Variants in MTCL1 observed in about 807,000 individuals in gnomAD.
MTCL1 encodes the protein microtubule cross-linking factor 1.
Under a neutral mutation model 141.4 loss-of-function variants are expected in MTCL1, and 79 were observed. The observed-to-expected ratio is 0.56, with a 90% CI of 0.47 to 0.67. MTCL1 has a LOEUF of 0.67. Ranked by LOEUF, MTCL1 falls within the 30% of genes least tolerant of loss-of-function variation. The pLI is 0.00. For missense variants in MTCL1, 2,177 were observed against 2,113.9 expected, an observed-to-expected ratio of 1.03 and a Z score of -0.59; for synonymous variants, 914 against 875.8, an observed-to-expected ratio of 1.04 and a Z score of -0.77.
intron 10 of MTCL1, among the ~76,000 whole-genome samples, 165 bp from the exon 10 acceptor site, chr18:8,806,728 T>A (rs2076310092): frequency 6.6e-6 from 1 of 152,086 alleles, no homozygotes; most frequent in African/African-American, 2.4e-5. Flanking sequence ...AGGGACCCTT[T>A]CTTTGCTCCC....
intron 4 of MTCL1, among the ~76,000 whole-genome samples, chr18:8,768,778 TC>T (rs1363702461): frequency 6.7e-6 from 1 of 148,302 alleles, no homozygotes; most frequent in Non-Finnish European, 1.5e-5. Context: ...GGGAACAGAT[TC>T]TTTTCTTCTC....
At chr18:8,824,830 A>C (rs371811754) in exon 15 of MTCL1, 2 of 1,614,146 alleles carry the variant, frequency 1.2e-6, no homozygotes, top group Non-Finnish European at 1.7e-6. Flanking sequence ...GACGACCTCA[A>C]GTACATCGAG....
chr18:8,779,611 G>A lies in MTCL1; in HGVS notation c.417+1719G>A, dbSNP rs2096525999. On this transcript the variant is annotated intron_variant, in intron 5 of 16. Coordinates refer to ENST00000359865, the Ensembl canonical transcript of MTCL1. The surrounding 1 kb of genome is among the most constrained non-coding windows in gnomAD (Gnocchi z 4.1). ...GTACACAACACCCGGCAGGTGCAGCGGGCCCTGCTCCAGCTGCCTCGACCT... is the reference window on the plus strand; with the variant it reads ...GTACACAACACCCGGCAGGTGCAGCAGGCCCTGCTCCAGCTGCCTCGACCT... Among the ~76,000 whole-genome samples the A allele has an allele frequency of 1.3e-5, 2 of 152,046 alleles. No individual in the cohort carries two copies. Among genetic ancestry groups the A allele is most frequent in the South Asian group, 2.1e-4 (1 of 4,800 alleles).
At chr18:8,755,761 TG>T (rs1359607609) in intron 4 of MTCL1, among the ~76,000 whole-genome samples, 5 of 152,174 alleles carry the variant, frequency 3.3e-5, no homozygotes, top group Non-Finnish European at 7.3e-5. Flanking sequence ...CGGAGGAGGA[TG>T]TGGTTTTGGA....
chr18:8,817,641 T>TAA (rs557526186), intron 12 of MTCL1, among the ~76,000 whole-genome samples: 1 of 151,452 alleles, frequency 6.6e-6, no homozygotes, highest in African/African-American at 2.4e-5. Flanking sequence ...TAGTGATGCT[T>TAA]AAAAAAAAAT....
At chr18:8,737,129 A>G (rs1268869974) in intron 4 of MTCL1, among the ~76,000 whole-genome samples, 1 of 152,142 alleles carries the variant, frequency 6.6e-6, no homozygotes, top group African/African-American at 2.4e-5. Flanking sequence ...GTAACTCTGC[A>G]TGTTCCCTTC....
At chr18:8,790,538 G>C (rs1479488569) in intron 7 of MTCL1, among the ~76,000 whole-genome samples, 7 of 152,244 alleles carry the variant, frequency 4.6e-5, no homozygotes, top group African/African-American at 1.7e-4. Flanking sequence ...GAAGCCCCAA[G>C]GGCAGATGTG....
intron 4 of MTCL1, among the ~76,000 whole-genome samples, chr18:8,759,524 A>G (rs978470507): frequency 5.9e-5 from 9 of 152,252 alleles, no homozygotes; most frequent in Admixed American, 4.6e-4. Flanking sequence ...GCTTTTTCCC[A>G]AGGGCACTCT....
chr18:8,735,530 G>A (rs1249825649), intron 4 of MTCL1, among the ~76,000 whole-genome samples: 1 of 152,142 alleles, frequency 6.6e-6, no homozygotes, highest in Non-Finnish European at 1.5e-5. Flanking sequence ...TTTGATCCCT[G>A]CTGCTCTAGG....
intron 3 of MTCL1, 65 bp from the exon 3 acceptor site, chr18:8,720,273 C>G: frequency 1.3e-6 from 2 of 1,537,902 alleles, no homozygotes. Flanking sequence ...CTGATGTTGT[C>G]TGATAGTACC....
At chr18:8,742,298 CCT>C (rs2148913557) in intron 4 of MTCL1, among the ~76,000 whole-genome samples, 1 of 152,236 alleles carries the variant, frequency 6.6e-6, no homozygotes, top group African/African-American at 2.4e-5. Context: ...TCCCTCTCTC[CCT>C]CTCTCCCTCT....
At chr18:8,715,517 T>C (rs1567927547), upstream of MTCL1, among the ~76,000 whole-genome samples, 5 of 152,366 alleles carry the variant, frequency 3.3e-5, no homozygotes, top group South Asian at 8.3e-4. Context: ...TATACAGATA[T>C]TGACTTAGTG....
intron 4 of MTCL1, among the ~76,000 whole-genome samples, chr18:8,766,514 T>C (rs771943883): frequency 3.9e-5 from 6 of 152,228 alleles, no homozygotes; most frequent in Non-Finnish European, 7.3e-5. Context: ...CTCTGGCAAC[T>C]GATCCTGCTT....
rs553126475 is a variant in MTCL1 at position 8,779,052 on chromosome 18, G to A, written c.417+1160G>A. On this transcript the variant is annotated intron_variant, in intron 5 of 16. Coordinates refer to ENST00000359865, the Ensembl canonical transcript of MTCL1. This position sits in a 1 kb window ranked among gnomAD's most constrained non-coding sequence, Gnocchi z 4.1. The stretch of plus-strand genomic sequence containing the variant: ...GTTCAGCAGAATGGTGGAATGGAGC[G>A]CCCTGGGAACTGCAGGCCCGCAACC... Among the ~76,000 whole-genome samples, 9 of 152,336 alleles carry A rather than the reference G, an allele frequency of 5.9e-5. No homozygotes were observed. The East Asian group carries it at 9.7e-4, about 16-fold the overall frequency.
At chr18:8,764,431 C>T (rs993147974) in intron 4 of MTCL1, among the ~76,000 whole-genome samples, 1 of 152,028 alleles carries the variant, frequency 6.6e-6, no homozygotes, top group African/African-American at 2.4e-5. Flanking sequence ...GATTCTCCTG[C>T]CTCAGCCTCC....
intron 3 of MTCL1, among the ~76,000 whole-genome samples, 192 bp downstream of exon 2, chr18:8,718,840 CATA>C (rs2096148297): frequency 6.6e-6 from 1 of 152,016 alleles, no homozygotes; most frequent in Non-Finnish European, 1.5e-5. Flanking sequence ...TTACATTTGT[CATA>C]ATATGAACTT....
chr18:8,814,851 A>G (rs1236525281), intron 12 of MTCL1, among the ~76,000 whole-genome samples: 1 of 152,230 alleles, frequency 6.6e-6, no homozygotes, highest in Non-Finnish European at 1.5e-5. Context: ...TTGGATATAA[A>G]TTAAGCAAGT....
At position 8,773,861 on chromosome 18, in the gene MTCL1, T is replaced by C. The variant is rs115115111; in HGVS notation, c.358-3972T>C. On this transcript the variant is annotated intron_variant, in intron 4 of 16. Coordinates refer to ENST00000359865, the Ensembl canonical transcript of MTCL1. Reference sequence around the variant, plus strand: ...ATTCTTTATTTCTGAGCCTTCTATTTAGTTTCATTAATCTGTCTATCTTAT... The same window carrying C: ...ATTCTTTATTTCTGAGCCTTCTATTCAGTTTCATTAATCTGTCTATCTTAT... Among the ~76,000 whole-genome samples, 1,157 of 152,344 alleles carry C rather than the reference T, an allele frequency of 7.6e-3. 18 individuals carry two copies. Among genetic ancestry groups the C allele is most frequent in the African/African-American group, 0.023 (944 of 41,566 alleles).
chr18:8,729,221 A>C (rs1295564783), intron 4 of MTCL1, among the ~76,000 whole-genome samples: 1 of 122,214 alleles, frequency 8.2e-6, no homozygotes, highest in East Asian at 2.7e-4. Flanking sequence ...ATGCCCAGCT[A>C]ATTTCCGTAT....
Sources: allele counts gnomAD v4.1 joint callset (sites outside exome capture counted in the v4.1 genomes callset), GRCh38; gene constraint gnomAD v4.1.1; non-coding constraint Gnocchi (gnomAD v3.1); transcripts MANE v1.5; gene names NCBI Gene and HGNC (gene_info 2026-07-23, HGNC 2026-07-21).